The following BLTP2 variants were observed in gnomAD, a reference collection of about 807,000 sequenced individuals.
BLTP2 encodes the protein U937-associated antigen.
At chr17:28,638,058 G>A in the BLTP2 span, 3 of 1,614,236 alleles carry the variant, frequency 1.9e-6, no homozygotes, top group Non-Finnish European at 2.5e-6. Context: ...GTATCTGACT[G>A]GGTGCTGGAC....
chr17:28,630,045 G>A, the BLTP2 span, among the ~76,000 whole-genome samples: 1 of 151,956 alleles, frequency 6.6e-6, no homozygotes, highest in Non-Finnish European at 1.5e-5. Context: ...TGTATTTTTT[G>A]TAGAAACACG....
the BLTP2 span, chr17:28,624,142 T>C: frequency 6.8e-7 from 1 of 1,478,760 alleles, no homozygotes; most frequent in Non-Finnish European, 9.3e-7. Flanking sequence ...TTTGGAGCTC[T>C]ATTCACCCAT....
the BLTP2 span, chr17:28,616,042 T>C: frequency 7.1e-7 from 1 of 1,405,672 alleles, no homozygotes. The surrounding 1 kb of genome is among the most constrained non-coding windows in gnomAD (Gnocchi z 4.8). Flanking sequence ...GAATCTCTGA[T>C]CTTATCTGGT....
At chr17:28,638,621 A>G in the BLTP2 span, 8 of 1,611,790 alleles carry the variant, frequency 5.0e-6, no homozygotes, top group Non-Finnish European at 5.9e-6. Context: ...AGATGATGGG[A>G]GCCAGGATTT....
the BLTP2 span, chr17:28,633,648 G>A: frequency 1.2e-6 from 2 of 1,613,958 alleles, no homozygotes; most frequent in Non-Finnish European, 8.5e-7. Flanking sequence ...AAGGTGGGCT[G>A]GGGTCAGCTG....
chr17:28,633,486 A>AT, the BLTP2 span: 1 of 1,586,450 alleles, frequency 6.3e-7, no homozygotes, highest in African/African-American at 1.3e-5. Context: ...CTCTTCCCAC[A>AT]TGTGCTATAC....
At chr17:28,633,071 T>TC in the BLTP2 span, 1 of 1,593,804 alleles carries the variant, frequency 6.3e-7, no homozygotes, top group Admixed American at 1.7e-5. Flanking sequence ...AGAGTGACAC[T>TC]ATGGTGATCA....
the BLTP2 span, among the ~76,000 whole-genome samples, chr17:28,625,403 TA>T: frequency 8.8e-6 from 1 of 114,040 alleles, no homozygotes; most frequent in African/African-American, 3.3e-5. Context: ...GAAAAATACA[TA>T]AAAATATTCT....
the BLTP2 span, chr17:28,619,831 T>G: frequency 6.2e-7 from 1 of 1,613,452 alleles, no homozygotes; most frequent in South Asian, 1.1e-5. Context: ...GACTTCCTGG[T>G]TCTCAAACTA....
the BLTP2 span, chr17:28,633,663 C>T: frequency 1.9e-6 from 3 of 1,614,088 alleles, no homozygotes; most frequent in Admixed American, 1.7e-5. Flanking sequence ...CAGCTGAGGG[C>T]TTGGTCAAGA....
the BLTP2 span, chr17:28,645,059 AGGTCCG>A: frequency 6.9e-6 from 11 of 1,595,450 alleles, no homozygotes; most frequent in Non-Finnish European, 9.4e-6. Flanking sequence ...AGAGGCATTT[AGGTCCG>A]GGTCCGGCCC....
the BLTP2 span, chr17:28,616,854 CT>C: frequency 6.2e-7 from 1 of 1,606,212 alleles, no homozygotes; most frequent in South Asian, 1.1e-5. This position sits in a 1 kb window ranked among gnomAD's most constrained non-coding sequence, Gnocchi z 4.8. Flanking sequence ...TTGAATGTCC[CT>C]TGTTCCCAGG....
At chr17:28,641,960 T>C in the BLTP2 span, 6 of 1,614,102 alleles carry the variant, frequency 3.7e-6, no homozygotes, top group African/African-American at 4.0e-5. Flanking sequence ...GAGGCCCTCA[T>C]GCAGTTCAGC....
chr17:28,622,079 T>C, the BLTP2 span, among the ~76,000 whole-genome samples: 1 of 151,858 alleles, frequency 6.6e-6, no homozygotes, highest in Non-Finnish European at 1.5e-5. Flanking sequence ...CTAATGCTAG[T>C]ATCGCAGCCT....
chr17:28,633,997 G>C, the BLTP2 span: 1 of 1,614,104 alleles, frequency 6.2e-7, no homozygotes, highest in Non-Finnish European at 8.5e-7. Context: ...CGGGAGCAAG[G>C]CTGACCACTC....
At chr17:28,639,150 A>G in the BLTP2 span, 1 of 688,678 alleles carries the variant, frequency 1.5e-6, no homozygotes. Context: ...GCTATCAAGG[A>G]GTCTAGTCTA....
At chr17:28,640,444 T>A in the BLTP2 span, 1 of 1,099,886 alleles carries the variant, frequency 9.1e-7, no homozygotes, top group Non-Finnish European at 1.4e-6. Flanking sequence ...GATGTAACCA[T>A]TTCTACTTCC....
the BLTP2 span, chr17:28,637,922 G>C: frequency 1.9e-6 from 3 of 1,614,178 alleles, no homozygotes; most frequent in Non-Finnish European, 2.5e-6. Flanking sequence ...CCCAAATGAA[G>C]AGTGCCTAGA....
chr17:28,635,519 C>G, the BLTP2 span: 49 of 1,614,150 alleles, frequency 3.0e-5, no homozygotes, highest in Admixed American at 2.2e-4. Flanking sequence ...CTTAGTAGGT[C>G]TCGGCACTGT....
Sources: gnomAD v4.1 joint callset for allele counts (sites outside exome capture counted in the v4.1 genomes callset) on GRCh38, gnomAD v4.1.1 for gene constraint, Gnocchi (gnomAD v3.1) non-coding constraint, MANE v1.5 for transcripts, NCBI Gene and HGNC (gene_info 2026-07-23, HGNC 2026-07-21) for gene names.